The following ELL2 variants were observed in gnomAD, a reference collection of about 807,000 sequenced individuals.
ELL2 encodes the protein elongation factor for RNA polymerase II 2.
Under a neutral mutation model 72.8 loss-of-function variants are expected in ELL2, and 21 were observed. That is an observed-to-expected ratio of 0.29 (90% CI 0.20 to 0.42). ELL2 has a LOEUF of 0.42. Among genes scored for constraint, ELL2 ranks in the 10% least tolerant of loss-of-function variants. The probability of loss-of-function intolerance (pLI) is 1.00; values close to 1 mark genes in which losing one functional copy is unlikely to be tolerated. For synonymous variants in ELL2, 266 were observed against 283.2 expected, an observed-to-expected ratio of 0.94 and a Z score of 0.61; for missense variants, 568 against 772.8, an observed-to-expected ratio of 0.73 and a Z score of 3.14.
intron 3 of ELL2, among the ~76,000 whole-genome samples, chr5:95,917,479 GA>G (rs1350008598): frequency 6.6e-6 from 1 of 152,204 alleles, no homozygotes; most frequent in Admixed American, 6.5e-5. Context: ...TGGTCAGAGA[GA>G]AAAGATCCAT....
At chr5:95,951,380 A>AAAATAAATAAATAAAT (rs566594776) in intron 1 of ELL2, among the ~76,000 whole-genome samples, 1,561 of 151,404 alleles carry the variant, frequency 0.01, 25 homozygotes, top group African/African-American at 0.035. Context: ...AAAATAAAAT[A>AAAATAAATAAATAAAT]AAATAAATAA....
At chr5:95,943,296 A>T (rs908767011) in intron 1 of ELL2, among the ~76,000 whole-genome samples, 9 of 151,630 alleles carry the variant, frequency 5.9e-5, no homozygotes, top group Admixed American at 3.3e-4. Flanking sequence ...AAAGAAATAT[A>T]TGTATTTGGT....
intron 9 of ELL2, among the ~76,000 whole-genome samples, chr5:95,894,276 G>C (rs1748783246): frequency 6.6e-6 from 1 of 152,072 alleles, no homozygotes; most frequent in African/African-American, 2.4e-5. Flanking sequence ...TAATGAACTT[G>C]GCAAAACACA....
chr5:95,923,175 G>C (rs1164619353), intron 2 of ELL2, among the ~76,000 whole-genome samples: 1 of 151,902 alleles, frequency 6.6e-6, no homozygotes, highest in Non-Finnish European at 1.5e-5. Context: ...ACTTGAGCCT[G>C]GGAGTTCGAG....
chr5:95,912,996 C>CA (rs1403284984), intron 4 of ELL2, among the ~76,000 whole-genome samples: 1 of 152,220 alleles, frequency 6.6e-6, no homozygotes, highest in African/African-American at 2.4e-5. Flanking sequence ...ACCAAGGACT[C>CA]AAAGAGCTCC....
At chr5:95,943,999 A>G (rs1751066923) in intron 1 of ELL2, among the ~76,000 whole-genome samples, 1 of 152,194 alleles carries the variant, frequency 6.6e-6, no homozygotes, top group African/African-American at 2.4e-5. Flanking sequence ...CAGCCTATAA[A>G]CTATTCACAC....
intron 10 of ELL2, among the ~76,000 whole-genome samples, chr5:95,890,210 C>T (rs933885132): frequency 2.6e-5 from 4 of 152,112 alleles, no homozygotes; most frequent in African/African-American, 4.8e-5. Flanking sequence ...CTCTGAACAC[C>T]GATTCTTCTG....
chr5:95,934,985 T>C (rs1259597817), intron 2 of ELL2, among the ~76,000 whole-genome samples: 1 of 152,222 alleles, frequency 6.6e-6, no homozygotes, highest in Admixed American at 6.5e-5. Flanking sequence ...TATAGCTTGA[T>C]AGTTATGAAG....
chr5:95,956,319 C>T lies in ELL2; in HGVS notation c.147+5256G>A, dbSNP rs143785856. Among the ~76,000 whole-genome samples, 205 of 152,282 alleles carry T rather than the reference C, an allele frequency of 1.3e-3. 1 individual carries two copies. The highest frequency in any genetic ancestry group is 4.7e-3 in the African/African-American group (194 of 41,536). On this transcript the variant is annotated intron_variant, in intron 1 of 11. Transcript: ENST00000237853. ...ACTTTCCAAACACTGAAGGATGGGG[C>T]ACAAACTTGACTTTACTTGATAAAA...
At chr5:95,934,414 T>G (rs1439618103) in intron 2 of ELL2, among the ~76,000 whole-genome samples, 2 of 152,188 alleles carry the variant, frequency 1.3e-5, no homozygotes, top group East Asian at 3.8e-4. Flanking sequence ...CTTTTAAAAT[T>G]CAACCAACTG....
intron 2 of ELL2, among the ~76,000 whole-genome samples, chr5:95,931,094 A>G (rs1374200477): frequency 2.0e-5 from 3 of 151,736 alleles, no homozygotes; most frequent in Non-Finnish European, 2.9e-5. Flanking sequence ...TTACAAACGG[A>G]TGAAAAGAGA....
In ELL2 at chr5:95,901,682, C is replaced by G. The variant is rs117516471; in HGVS notation, c.742-602G>C. On this transcript the variant is annotated intron_variant, in intron 5 of 11. Coordinates refer to ENST00000237853, the MANE Select transcript of ELL2 (RefSeq NM_012081.6). ...GAACACAAGTACTATGATATTACAA[C>G]AGTCGATTTGAAAACGGAGATGGCT... 8.4e-3 allele frequency among the ~76,000 whole-genome samples: 1,274 copies of G among 152,284 alleles called. 39 individuals are homozygous for G. The highest frequency in any genetic ancestry group is 0.059 in the Admixed American group (900 of 15,298).
chr5:95,914,044 T>A, intron 3 of ELL2, 110 bp from the exon 4 acceptor site: 1 of 864,638 alleles, frequency 1.2e-6, no homozygotes, highest in Non-Finnish European at 1.6e-6. Flanking sequence ...TTTGCAATCC[T>A]AAAATAACTA....
At chr5:95,942,029 C>T (rs1022551335) in intron 2 of ELL2, among the ~76,000 whole-genome samples, 5 of 152,208 alleles carry the variant, frequency 3.3e-5, no homozygotes, top group African/African-American at 1.2e-4. Context: ...ACAAACATCT[C>T]CTTCAAGTAA....
intron 2 of ELL2, among the ~76,000 whole-genome samples, chr5:95,926,941 T>C (rs2112322145): frequency 6.6e-6 from 1 of 152,302 alleles, no homozygotes. Flanking sequence ...AAAACTACCT[T>C]GAGTAATTTT....
chr5:95,919,119 T>C (rs1226126839), intron 3 of ELL2, among the ~76,000 whole-genome samples: 2 of 151,966 alleles, frequency 1.3e-5, no homozygotes, highest in African/African-American at 2.4e-5. Context: ...TAAATATTTC[T>C]AAAAAAAATC....
At chr5:95,943,357 T>C (rs572513565) in intron 1 of ELL2, among the ~76,000 whole-genome samples, 83 of 152,322 alleles carry the variant, frequency 5.4e-4, no homozygotes, top group Middle Eastern at 6.8e-3. Flanking sequence ...TTCTTTTGCA[T>C]GTTACTATAT....
intron 2 of ELL2, among the ~76,000 whole-genome samples, chr5:95,928,402 A>T (rs563589832): frequency 6.6e-6 from 1 of 152,184 alleles, no homozygotes; most frequent in Non-Finnish European, 1.5e-5. Flanking sequence ...TTGTTTTATT[A>T]ACCAGTCCCT....
chr5:95,944,743 G>A (rs1372779289), intron 1 of ELL2, among the ~76,000 whole-genome samples: 1 of 152,178 alleles, frequency 6.6e-6, no homozygotes, highest in African/African-American at 2.4e-5. Flanking sequence ...CCTGCTTTCT[G>A]AATGTCTCTC....
Sources: allele counts gnomAD v4.1 joint callset (sites outside exome capture counted in the v4.1 genomes callset), GRCh38; gene constraint gnomAD v4.1.1; transcripts MANE v1.5; gene names NCBI Gene and HGNC (gene_info 2026-07-23, HGNC 2026-07-21).